The following DAGLA variants were observed in gnomAD, a reference collection of about 807,000 sequenced individuals.
DAGLA encodes diacylglycerol lipase-alpha.
In DAGLA, 22 loss-of-function variants were observed where a neutral mutation model predicts 102.6. The observed-to-expected ratio is 0.21, with a 90% confidence interval of 0.15 to 0.31. The LOEUF (loss-of-function observed/expected upper bound fraction) is 0.31. Among genes scored for constraint, DAGLA ranks in the 10% least tolerant of loss-of-function variants. The probability of loss-of-function intolerance (pLI) is 1.00; values close to 1 mark genes in which losing one functional copy is unlikely to be tolerated. For missense variants in DAGLA, 927 were observed against 1,446.6 expected (o/e 0.64, Z 5.83); for synonymous variants, 578 against 628.9 (o/e 0.92, Z 1.21).
At chr11:61,726,389 A>G (rs2065327337) in intron 6 of DAGLA, among the ~76,000 whole-genome samples, 3 of 152,266 alleles carry the variant, frequency 2.0e-5, no homozygotes, top group South Asian at 2.1e-4. Context: ...ACCTGAAGAC[A>G]AAGAAAAGTA....
chr11:61,687,296 C>A (rs1382362368), intron 1 of DAGLA, among the ~76,000 whole-genome samples: 2 of 152,134 alleles, frequency 1.3e-5, no homozygotes, highest in African/African-American at 4.8e-5. Flanking sequence ...AATCCCACCT[C>A]CTCCATGAGG....
chr11:61,736,423 A>AGGAT, intron 13 of DAGLA, 73 bp downstream of exon 13: 1 of 1,237,658 alleles, frequency 8.1e-7, no homozygotes, highest in Non-Finnish European at 1.2e-6. Flanking sequence ...CAGAGAGGAG[A>AGGAT]GGATGGATGG....
chr11:61,706,613 C>T (rs975507128), intron 1 of DAGLA, among the ~76,000 whole-genome samples: 4 of 152,196 alleles, frequency 2.6e-5, no homozygotes, highest in Admixed American at 2.6e-4. Context: ...AGGTCACCTC[C>T]CACAACATCC....
At chr11:61,699,447 C>A (rs1015372507) in intron 1 of DAGLA, among the ~76,000 whole-genome samples, 23 of 152,312 alleles carry the variant, frequency 1.5e-4, no homozygotes, top group African/African-American at 5.3e-4. Context: ...ATATCCAGAC[C>A]CTCTTCTGTG....
At chr11:61,732,948 C>A (rs1231518560) in intron 9 of DAGLA, among the ~76,000 whole-genome samples, 2 of 152,128 alleles carry the variant, frequency 1.3e-5, no homozygotes, top group Non-Finnish European at 2.9e-5. Context: ...CCAGGGCCCT[C>A]CCATCCGGGG....
chr11:61,743,092 C>T (rs908673600), intron 19 of DAGLA, among the ~76,000 whole-genome samples: 3 of 151,922 alleles, frequency 2.0e-5, no homozygotes, highest in South Asian at 4.2e-4. Flanking sequence ...TGGCTGGGCG[C>T]GGTGGCTCAC....
rs535983656 is a variant in DAGLA, at chr11:61,741,283, G to A, written c.2105G>A (p.Gly702Glu). 6.2e-7 allele frequency: 1 copy of A among 1,612,946 alleles called. No individual in the cohort carries two copies. The highest frequency in any genetic ancestry group is 2.2e-5 in the East Asian group (1 of 44,886). ...LIFQQQPLPT[G>E]PPMPTGLALE... The stretch of plus-strand genomic sequence containing the variant: ...TTCCAGCAGCAGCCACTCCCCACGG[G>A]GCCGCCCATGCCCACTGGCCTTGCC... The change falls in exon 19 of 20, where the codon GGG becomes GAG. Residue 702 changes from glycine to glutamate, a missense_variant. Gly to Glu is a moderately conservative substitution (Grantham distance 98, BLOSUM62 -2). Coordinates refer to ENST00000257215, the MANE Select transcript of DAGLA (RefSeq NM_006133.3).
chr11:61,722,008 A>G (rs1053015759), intron 3 of DAGLA, among the ~76,000 whole-genome samples: 1 of 151,600 alleles, frequency 6.6e-6, no homozygotes, highest in East Asian at 1.9e-4. Flanking sequence ...CTCAGCCACC[A>G]CTCCATACCC....
At chr11:61,687,517 T>TG (rs2064995295) in intron 1 of DAGLA, among the ~76,000 whole-genome samples, 1 of 152,122 alleles carries the variant, frequency 6.6e-6, no homozygotes, top group South Asian at 2.1e-4. Context: ...TTAGTACAGA[T>TG]GGGGTTTCAC....
intron 1 of DAGLA, among the ~76,000 whole-genome samples, chr11:61,709,078 G>A (rs981855874): frequency 6.6e-6 from 1 of 152,232 alleles, no homozygotes; most frequent in African/African-American, 2.4e-5. Context: ...AGGAAATGCT[G>A]TGATCATTGT....
At chr11:61,685,964 G>A (rs1016751832) in intron 1 of DAGLA, among the ~76,000 whole-genome samples, 1 of 152,180 alleles carries the variant, frequency 6.6e-6, no homozygotes. Flanking sequence ...AGGGCTGAAG[G>A]TTTGGTTTCC....
chr11:61,714,762 T>G (rs996157956), intron 1 of DAGLA, among the ~76,000 whole-genome samples: 3 of 152,232 alleles, frequency 2.0e-5, no homozygotes, highest in African/African-American at 7.2e-5. Context: ...AAGGGGACAG[T>G]GGGACTGTTC....
chr11:61,720,965 G>T, intron 3 of DAGLA, 75 bp downstream of exon 3: 2 of 1,405,310 alleles, frequency 1.4e-6, no homozygotes, highest in Non-Finnish European at 9.8e-7. Flanking sequence ...TATTTACTGC[G>T]CACATGTTGC....
Position 61,740,001 on chromosome 11 carries a change from C to T in DAGLA, c.1853+340C>T, listed in dbSNP as rs57220536. ...CCCCTCAGGCCCTGGCCAGCTCACACCTCAGTTGTCACTTGGTTTCACCAA... is the reference window on the plus strand; with the variant it reads ...CCCCTCAGGCCCTGGCCAGCTCACATCTCAGTTGTCACTTGGTTTCACCAA... On this transcript the variant is annotated intron_variant, in intron 17 of 19. Coordinates refer to ENST00000257215, the MANE Select transcript of DAGLA (RefSeq NM_006133.3). Among the ~76,000 whole-genome samples, 1,478 of 152,348 alleles carry T rather than the reference C, an allele frequency of 9.7e-3. 34 individuals are homozygous for T. The highest frequency in any genetic ancestry group is 0.058 in the Admixed American group (895 of 15,314).
At chr11:61,690,474 T>A (rs1273710142) in intron 1 of DAGLA, among the ~76,000 whole-genome samples, 2 of 152,210 alleles carry the variant, frequency 1.3e-5, no homozygotes, top group African/African-American at 4.8e-5. Context: ...GAGTCCTCTC[T>A]GCTACACAGT....
intron 1 of DAGLA, among the ~76,000 whole-genome samples, chr11:61,685,516 T>C (rs1377817181): frequency 6.6e-6 from 1 of 152,142 alleles, no homozygotes; most frequent in African/African-American, 2.4e-5. Flanking sequence ...CACTTGGACA[T>C]AGTCGATAGT....
At chr11:61,722,597 G>C (rs572596432) in intron 3 of DAGLA, among the ~76,000 whole-genome samples, 1 of 152,178 alleles carries the variant, frequency 6.6e-6, no homozygotes, top group East Asian at 1.9e-4. Context: ...GGATGCCCCG[G>C]GGACTTGAGA....
intron 1 of DAGLA, among the ~76,000 whole-genome samples, chr11:61,716,591 C>T (rs1397426666): frequency 6.6e-6 from 1 of 152,038 alleles, no homozygotes; most frequent in Non-Finnish European, 1.5e-5. Context: ...CTGTCTGCAC[C>T]AGGATCGCTT....
intron 1 of DAGLA, among the ~76,000 whole-genome samples, chr11:61,717,990 T>C (rs1477112582): frequency 6.6e-6 from 1 of 151,444 alleles, no homozygotes; most frequent in Non-Finnish European, 1.5e-5. Context: ...GCAGAGTGAG[T>C]GTGTGTGTTG....
Sources: gnomAD v4.1 joint callset for allele counts (sites outside exome capture counted in the v4.1 genomes callset) on GRCh38, gnomAD v4.1.1 for gene constraint, MANE v1.5 for transcripts, NCBI Gene and HGNC (gene_info 2026-07-23, HGNC 2026-07-21) for gene names.